The following DPP7 variants were observed in gnomAD, a reference collection of about 807,000 sequenced individuals.
The protein encoded by DPP7 is dipeptidyl peptidase 7.
DPP7 carries 74 observed loss-of-function variants against 58.8 expected under a neutral mutation model. The observed-to-expected ratio is 1.26, with a 90% CI of 1.04 to 1.53. The LOEUF (loss-of-function observed/expected upper bound fraction) is 1.53. Among genes scored for constraint, DPP7 ranks in the 40% most tolerant of loss-of-function variants. The probability of loss-of-function intolerance (pLI) is 0.00; values close to 1 mark genes in which losing one functional copy is unlikely to be tolerated. For synonymous variants in DPP7, 350 were observed against 303.6 expected (o/e 1.15, Z -1.59); for missense variants, 807 against 692.3 (o/e 1.17, Z -1.86).
intron 9 of DPP7, 36 bp from the exon 10 acceptor site, chr9:137,112,065 G>A (rs775299473): frequency 1.4e-5 from 22 of 1,612,152 alleles, no homozygotes; most frequent in East Asian, 1.1e-4. Flanking sequence ...GCCAGCCCAC[G>A]CCCACCCTTG....
At chr9:137,114,970 C>G (rs982197730), upstream of DPP7, 1 of 315,934 alleles carries the variant, frequency 3.2e-6, no homozygotes, top group Non-Finnish European at 5.8e-6. Flanking sequence ...GGCTCGTCCT[C>G]CTACCGCGGC....
upstream of DPP7, chr9:137,115,313 A>T (rs1427718928): frequency 6.6e-6 from 1 of 152,346 alleles, no homozygotes; most frequent in Non-Finnish European, 1.5e-5. Flanking sequence ...TCCGACTGGC[A>T]CCCAGTGTGC....
chr9:137,114,397 G>T lies in DPP7; in HGVS notation c.182-15C>A. 1 of 1,590,752 alleles carries T rather than the reference G, an allele frequency of 6.3e-7. No homozygotes were observed. The highest frequency in any genetic ancestry group is 8.5e-7 in the Non-Finnish European group (1 of 1,169,702). On this transcript the variant is annotated splice_polypyrimidine_tract_variant and intron_variant, in intron 2 of 12. Coordinates refer to ENST00000371579, the MANE Select transcript of DPP7 (RefSeq NM_013379.3). ...CCAGAACCTGTCTGTGGGGAGGGCG[G>T]ATGAGGCGAGGGTGCCGGGGGGCGG...
At chr9:137,114,995 C>T (rs142116109), upstream of DPP7, 40 of 293,618 alleles carry the variant, frequency 1.4e-4, no homozygotes, top group Non-Finnish European at 2.2e-4. Flanking sequence ...TCCGGAGCTG[C>T]GCTAGGGCGA....
rs1241727423 is a variant in DPP7 at position 137,114,259 on chromosome 9, A to G, written c.305T>C (p.Leu102Pro). The change falls in exon 3 of 13, where the codon CTG (leucine) becomes CCG (proline). Residue 102 changes from leucine to proline, a missense_variant. Transcript: ENST00000371579. ...GGCACCCACGTGCTCCGCGAAGACC[A>G]GTAGAGCCCCCCGCTCGGCCGCCAG... The part of the protein sequence containing the change: ...AELAAERGAL[L>P]VFAEHRYYGK... 6.3e-7 allele frequency: 1 copy of G among 1,595,070 alleles called. No homozygotes were observed. The highest frequency in any genetic ancestry group is 8.5e-7 in the Non-Finnish European group (1 of 1,172,552).
chr9:137,116,297 C>T (rs192153554), upstream of DPP7, among the ~76,000 whole-genome samples: 1 of 152,214 alleles, frequency 6.6e-6, no homozygotes, highest in Non-Finnish European at 1.5e-5. Flanking sequence ...GTCCCCTGCC[C>T]ACATCCCTGT....
chr9:137,111,480 G>C (rs1023590861), intron 11 of DPP7, among the ~76,000 whole-genome samples: 16 of 152,308 alleles, frequency 1.1e-4, no homozygotes, highest in African/African-American at 3.6e-4. Flanking sequence ...GTGAGACTGT[G>C]TCTCTACAAA....
At chr9:137,117,480 G>C (rs1831661369), upstream of DPP7, among the ~76,000 whole-genome samples, 1 of 152,218 alleles carries the variant, frequency 6.6e-6, no homozygotes, top group Non-Finnish European at 1.5e-5. Flanking sequence ...GGAATCCTGG[G>C]AGCCTGGCCA....
upstream of DPP7, chr9:137,114,883 T>C: frequency 2.5e-6 from 1 of 396,146 alleles, no homozygotes; most frequent in Non-Finnish European, 4.2e-6. Context: ...CCGCGGCCGC[T>C]GCCCAGGGGT....
In DPP7 at chr9:137,112,064, C is replaced by T. The variant is rs114460116; in HGVS notation, c.1051-35G>A. The T allele has an allele frequency of 5.6e-4, 908 of 1,612,432 alleles. 4 individuals are homozygous for T. The African/African-American group carries it at 0.011, about 19-fold the overall frequency. On this transcript the variant is annotated intron_variant, in intron 9 of 12. Coordinates refer to ENST00000371579, the MANE Select transcript of DPP7 (RefSeq NM_013379.3). Reference sequence around the variant, plus strand: ...CCCCAGCCTGAGTCAGGCCAGCCCACGCCCACCCTTGCCCCCGAGTGGTTC... The same window carrying T: ...CCCCAGCCTGAGTCAGGCCAGCCCATGCCCACCCTTGCCCCCGAGTGGTTC...
At chr9:137,114,405 G>C (rs765451696) in intron 2 of DPP7, 23 bp from the exon 3 acceptor site, 2 of 1,581,692 alleles carry the variant, frequency 1.3e-6, no homozygotes, top group South Asian at 1.1e-5. Flanking sequence ...CGGATGAGGC[G>C]AGGGTGCCGG....
rs1233416200 is a variant in DPP7, at chr9:137,112,760, GC to G, written c.915del (p.Leu306CysfsTer52). The G allele has an allele frequency of 6.2e-7, 1 of 1,607,328 alleles. No homozygotes were observed. The highest frequency in any genetic ancestry group is 2.2e-5 in the East Asian group (1 of 44,708). ...RLLSEAQRITGLRALAGLVYN... is the reference protein window; with the variant it reads ...RLLSEAQRITXLRALAGLVYN... ...GGAAGGGCACCTGCCAGTGCTCGCA[GC>G]CCCGTGATCCTCTGGGCCTCACTCA... On this transcript the variant is annotated frameshift_variant, in exon 8 of 13. Coordinates refer to ENST00000371579, the MANE Select transcript of DPP7 (RefSeq NM_013379.3). LOFTEE classifies it high-confidence loss of function.
At chr9:137,114,758 C>A, upstream of DPP7, 1 of 1,240,018 alleles carries the variant, frequency 8.1e-7, no homozygotes, top group Non-Finnish European at 1.0e-6. Flanking sequence ...GTCACGGGGC[C>A]GCCAGGGCGC....
At chr9:137,111,078 C>A in intron 11 of DPP7, 128 bp from the exon 12 acceptor site, 1 of 930,904 alleles carries the variant, frequency 1.1e-6, no homozygotes, top group Admixed American at 2.1e-5. Flanking sequence ...CCAGAGAGAA[C>A]CAGCCAGAGA....
intron 8 of DPP7, 195 bp from the exon 9 acceptor site, chr9:137,112,425 T>C (rs1831416863): frequency 4.8e-6 from 3 of 627,696 alleles, no homozygotes; most frequent in Non-Finnish European, 8.3e-6. Flanking sequence ...CGGGCCTGAC[T>C]GTTGAGGGCC....
upstream of DPP7, chr9:137,114,895 C>G (rs1831583689): frequency 2.7e-6 from 1 of 374,104 alleles, no homozygotes; most frequent in African/African-American, 2.1e-5. Flanking sequence ...CCCAGGGGTC[C>G]TTCCCGGGCA....
intron 8 of DPP7, 160 bp downstream of exon 8, chr9:137,112,585 C>T (rs1359546097): frequency 2.3e-5 from 21 of 909,670 alleles, no homozygotes; most frequent in Admixed American, 2.1e-4. Context: ...CCTGCCTCCC[C>T]CAGGGTTTCT....
upstream of DPP7, among the ~76,000 whole-genome samples, chr9:137,116,242 A>T (rs1230944041): frequency 2.0e-5 from 3 of 152,204 alleles, no homozygotes; most frequent in Non-Finnish European, 4.4e-5. Context: ...AAGGGTGGGC[A>T]TGGGGCTACC....
rs1369013278 is a variant in DPP7 at position 137,112,139 on chromosome 9, G to T, written c.1023C>A (p.Gly341=). ...GGTAGTCCCAGGCCCTGGCGTCGGG[G>T]CCGGTGCCGCAGCCAGTGGGGTCAG... The part of the protein sequence containing the change: ...SCADPTGCGT[G]PDARAWDYQA... Residue 341 remains glycine, a synonymous_variant, in exon 9 of 13, where the codon GGC becomes GGA. Transcript: ENST00000371579. 6.2e-7 allele frequency: 1 copy of T among 1,610,778 alleles called. No homozygotes were observed. The highest frequency in any genetic ancestry group is 8.5e-7 in the Non-Finnish European group (1 of 1,179,686).
Sources: gnomAD v4.1 joint callset for allele counts (sites outside exome capture counted in the v4.1 genomes callset) on GRCh38, gnomAD v4.1.1 for gene constraint, MANE v1.5 for transcripts, NCBI Gene and HGNC (gene_info 2026-07-23, HGNC 2026-07-21) for gene names.